P4HA1: variants seen among roughly 807,000 people sequenced by gnomAD.
The protein encoded by P4HA1 is prolyl 4-hydroxylase subunit alpha-1.
P4HA1 carries 24 observed loss-of-function variants against 72.8 expected under a neutral mutation model. The observed-to-expected ratio is 0.33, with a 90% CI of 0.24 to 0.46. The LOEUF is 0.46. Ranked by LOEUF, P4HA1 falls within the 20% of genes least tolerant of loss-of-function variation. The pLI is 1.00. For missense variants in P4HA1, 446 were observed against 640.6 expected, an observed-to-expected ratio of 0.70 and a Z score of 3.28; for synonymous variants, 201 against 218.8, an observed-to-expected ratio of 0.92 and a Z score of 0.72.
chr10:73,050,418 T>C (rs1235724269), intron 7 of P4HA1, among the ~76,000 whole-genome samples: 3 of 151,884 alleles, frequency 2.0e-5, no homozygotes, highest in African/African-American at 7.3e-5. Flanking sequence ...TAAAGTTTTT[T>C]AGGCTGGGCA....
intron 9 of P4HA1, among the ~76,000 whole-genome samples, chr10:73,031,673 G>A (rs908403100): frequency 5.9e-5 from 9 of 152,158 alleles, no homozygotes; most frequent in African/African-American, 2.2e-4. Context: ...GACTCCTAAT[G>A]GGTACAGGAT....
At chr10:73,041,627 C>G (rs1840739444) in intron 9 of P4HA1, among the ~76,000 whole-genome samples, 1 of 151,796 alleles carries the variant, frequency 6.6e-6, no homozygotes, top group Non-Finnish European at 1.5e-5. Flanking sequence ...CTCTCTCTAC[C>G]TGGAAGAAAT....
In P4HA1 at chr10:73,045,058, A is replaced by C. The variant is rs1394878373; in HGVS notation, c.1078-7T>G. 1.2e-6 allele frequency: 2 copies of C among 1,612,474 alleles called. No homozygotes were observed. The highest frequency in any genetic ancestry group is 2.2e-5 in the South Asian group (2 of 90,972). On this transcript the variant is annotated splice_region_variant and splice_polypyrimidine_tract_variant and intron_variant, in intron 8 of 14. Coordinates refer to ENST00000394890, the MANE Select transcript of P4HA1 (RefSeq NM_001017962.3). The stretch of plus-strand genomic sequence containing the variant: ...AAATGGTGGCTCGCCTCAGCTGTGA[A>C]GCCAACCATCAAAATAGTTGCATTA...
intron 10 of P4HA1, among the ~76,000 whole-genome samples, chr10:73,027,873 GGAGGGAGGGAGGGACA>G (rs1239154547): frequency 1.4e-5 from 2 of 138,104 alleles, no homozygotes; most frequent in South Asian, 2.7e-4. Flanking sequence ...AGGGAGAGAG[GGAGGGAGGGAGGGACA>G]GAGGGAGGGA....
chr10:73,069,085 A>T, intron 4 of P4HA1, 102 bp from the exon 5 acceptor site: 1 of 877,350 alleles, frequency 1.1e-6, no homozygotes, highest in Non-Finnish European at 1.7e-6. Context: ...ATTATTTTCT[A>T]CCACACCATG....
In P4HA1 at chr10:73,037,552, TATATATA is replaced by T. The variant is rs1564624870; in HGVS notation, c.1149-7189_1149-7183del. On this transcript the variant is annotated intron_variant, in intron 9 of 14. Transcript: ENST00000394890. ...ATATATATATATATATATATATATA[TATATATA>T]TATATATATATATTTTTTTTTTTTT... Among the ~76,000 whole-genome samples, 96 of 32,370 alleles carry T rather than the reference TATATATA, an allele frequency of 3.0e-3. 2 individuals carry two copies. Among genetic ancestry groups the T allele is most frequent in the African/African-American group, 0.011 (94 of 8,704 alleles). The allele number at this position is 32,370 out of a possible 152,430, so 21.2% of individuals were successfully genotyped here. A position where few individuals can be genotyped will look rare whatever the true frequency, so the allele number is the denominator to read the frequency against.
At chr10:73,021,856 T>C (rs552301180) in intron 10 of P4HA1, among the ~76,000 whole-genome samples, 1 of 152,322 alleles carries the variant, frequency 6.6e-6, no homozygotes, top group East Asian at 1.9e-4. Flanking sequence ...CCTGGCTCAG[T>C]GGGTCCCATG....
intron 11 of P4HA1, among the ~76,000 whole-genome samples, chr10:73,015,607 G>A (rs1839993621): frequency 6.6e-6 from 1 of 152,196 alleles, no homozygotes; most frequent in Non-Finnish European, 1.5e-5. Flanking sequence ...TTTACTGAAG[G>A]TGTAATCCTT....
intron 10 of P4HA1, among the ~76,000 whole-genome samples, chr10:73,022,480 C>G (rs866771195): frequency 6.6e-6 from 1 of 152,122 alleles, no homozygotes; most frequent in Non-Finnish European, 1.5e-5. Context: ...CACCAAAACC[C>G]CATCTGTAGG....
At chr10:73,092,999 C>T (rs1842067805) in intron 1 of P4HA1, among the ~76,000 whole-genome samples, 1 of 151,700 alleles carries the variant, frequency 6.6e-6, no homozygotes, top group Non-Finnish European at 1.5e-5. Flanking sequence ...TGCATCTGTA[C>T]CCCGAGCTAC....
chr10:73,078,260 A>G (rs975554564), intron 1 of P4HA1, among the ~76,000 whole-genome samples: 9 of 152,184 alleles, frequency 5.9e-5, no homozygotes, highest in Admixed American at 4.6e-4. Flanking sequence ...CTTATTAGTA[A>G]TTAATGACAC....
chr10:73,063,982 G>GA (rs59970786), intron 5 of P4HA1, among the ~76,000 whole-genome samples: 24,333 of 151,966 alleles, frequency 0.16, 3,240 homozygotes, highest in African/African-American at 0.34. Context: ...GGTATGGGCA[G>GA]AAAAAGACTG....
intron 5 of P4HA1, among the ~76,000 whole-genome samples, chr10:73,060,228 A>G (rs1230271066): frequency 6.6e-6 from 1 of 152,236 alleles, no homozygotes; most frequent in Non-Finnish European, 1.5e-5. Flanking sequence ...TAAAAGAATA[A>G]TCATGTTAAT....
chr10:73,063,319 C>T (rs1439702408), intron 5 of P4HA1, among the ~76,000 whole-genome samples: 1 of 152,198 alleles, frequency 6.6e-6, no homozygotes, highest in Admixed American at 6.5e-5. Flanking sequence ...GCTATGTCCT[C>T]ACATGGTGAA....
chr10:73,018,517 T>A (rs1310804664), intron 10 of P4HA1, among the ~76,000 whole-genome samples: 2 of 152,236 alleles, frequency 1.3e-5, no homozygotes, highest in Admixed American at 1.3e-4. Context: ...ACAACAGGCA[T>A]GCTTGGCCAT....
intron 5 of P4HA1, among the ~76,000 whole-genome samples, chr10:73,056,485 A>G (rs1841150324): frequency 6.6e-6 from 1 of 151,830 alleles, no homozygotes. Flanking sequence ...TATAAAAATC[A>G]GCCAGGCATG....
At position 73,072,274 on chromosome 10, in the gene P4HA1, T is replaced by C. The variant is rs899292726; in HGVS notation, c.174-94A>G. The C allele has an allele frequency of 5.9e-6, 6 of 1,009,766 alleles. No individual in the cohort carries two copies. In the African/African-American group the frequency reaches 8.1e-5, roughly 14 times the overall value. The allele number at this position is 1,009,766 out of a possible 1,614,324, so 62.6% of individuals were successfully genotyped here. ...TCAGAAAAAAAATGACTAGAAGTTT[T>C]TGAGTTCAACTATATCTGTAGTTTC... is the stretch of plus-strand genomic sequence containing the variant. On this transcript the variant is annotated intron_variant, in intron 3 of 14. Transcript: ENST00000394890.
At chr10:73,040,292 GT>G (rs1031749877) in intron 9 of P4HA1, among the ~76,000 whole-genome samples, 1 of 151,650 alleles carries the variant, frequency 6.6e-6, no homozygotes, top group African/African-American at 2.4e-5. Flanking sequence ...TAAAAAATAG[GT>G]TTGAAATGTT....
intron 8 of P4HA1, among the ~76,000 whole-genome samples, chr10:73,045,422 A>C (rs17658374): frequency 5.9e-5 from 9 of 152,042 alleles, no homozygotes; most frequent in Non-Finnish European, 1.0e-4. Context: ...AAAAAGAAGA[A>C]TGCCTATTTG....
Sources: gnomAD v4.1 joint callset for allele counts (sites outside exome capture counted in the v4.1 genomes callset) on GRCh38, gnomAD v4.1.1 for gene constraint, MANE v1.5 for transcripts, NCBI Gene and HGNC (gene_info 2026-07-23, HGNC 2026-07-21) for gene names.